The following KLC4 variants were observed in gnomAD, a reference collection of about 807,000 sequenced individuals.
KLC4 encodes the protein kinesin-like protein 8.
Under a neutral mutation model 77.2 loss-of-function variants are expected in KLC4, and 49 were observed. The observed-to-expected ratio is 0.63, with a 90% CI of 0.50 to 0.80. The LOEUF (loss-of-function observed/expected upper bound fraction) is 0.80, where lower values mean the gene tolerates loss of function less well. Among genes scored for constraint, KLC4 ranks in the 30% least tolerant of loss-of-function variants. KLC4 has a pLI of 0.00. For missense variants in KLC4, 669 were observed against 793.5 expected (o/e 0.84, Z 1.89); for synonymous variants, 274 against 314.5 (o/e 0.87, Z 1.36).
intron 6 of KLC4, among the ~76,000 whole-genome samples, chr6:43,068,431 C>T (rs551588460): frequency 6.6e-6 from 1 of 152,102 alleles, no homozygotes; most frequent in African/African-American, 2.4e-5. Context: ...GAGATCGCGC[C>T]TCTACACTCC....
intron 5 of KLC4, 33 bp from the exon 6 acceptor site, chr6:43,066,963 A>C: frequency 1.3e-6 from 2 of 1,593,906 alleles, no homozygotes; most frequent in South Asian, 2.2e-5. Flanking sequence ...TTGCGGGTTC[A>C]GGGTAACTCC....
intron 6 of KLC4, among the ~76,000 whole-genome samples, chr6:43,067,981 G>A (rs1431138362): frequency 1.8e-5 from 2 of 108,128 alleles, no homozygotes; most frequent in South Asian, 3.0e-4. Flanking sequence ...GCGTAGTGGC[G>A]GGCGCCTGTA....
chr6:43,072,307 A>G, intron 12 of KLC4, 52 bp downstream of exon 12: 1 of 1,392,846 alleles, frequency 7.2e-7, no homozygotes, highest in Non-Finnish European at 1.0e-6. Flanking sequence ...CCTGGGGATG[A>G]GAGAGTGCCG....
intron 1 of KLC4, chr6:43,060,721 A>G (rs1765102826): frequency 2.7e-6 from 2 of 740,740 alleles, no homozygotes; most frequent in African/African-American, 3.8e-5. Context: ...TGCAGGGCTG[A>G]CCAGGTTTGG....
In KLC4 at chr6:43,061,034, T is replaced by G. The variant is rs999957042; in HGVS notation, c.-25-277T>G. On this transcript the variant is annotated intron_variant, in intron 1 of 15. Transcript: ENST00000347162. The stretch of plus-strand genomic sequence containing the variant: ...TGTAACTGCTTTTTTGTTCTTTTCC[T>G]AAGTCCTAAATCCTTCTGCTAGTTC... The G allele has an allele frequency of 1.7e-5, 7 of 412,820 alleles. No individual in the cohort carries two copies. The East Asian group carries it at 3.0e-4, about 17-fold the overall frequency. The allele number at this position is 412,820 out of a possible 1,614,324, so 25.6% of individuals were successfully genotyped here.
chr6:43,063,098 TG>T lies in KLC4; in HGVS notation c.442del (p.Glu148SerfsTer71). The T allele has an allele frequency of 1.2e-6, 2 of 1,614,170 alleles. No homozygotes were observed. Among genetic ancestry groups the T allele is most frequent in the Non-Finnish European group, 1.7e-6 (2 of 1,180,006 alleles). On this transcript the variant is annotated frameshift_variant, in exon 3 of 16. Coordinates refer to ENST00000347162, the MANE Select transcript of KLC4 (RefSeq NM_201521.3). LOFTEE classifies it high-confidence loss of function. ...VAQLEEEKKH[L>X]EFLGQLRQYD... The stretch of plus-strand genomic sequence containing the variant: ...CAGCTGGAGGAGGAAAAGAAGCACC[TG>T]GAGTTCCTGGGGCAGCTGCGGCAGT...
At chr6:43,073,877 T>C in intron 14 of KLC4, 25 bp from the exon 15 acceptor site, 2 of 1,613,312 alleles carry the variant, frequency 1.2e-6, no homozygotes, top group Non-Finnish European at 1.7e-6. Flanking sequence ...AGAGGAGGCC[T>C]CAATTCTTCC....
At chr6:43,074,029 C>T in intron 15 of KLC4, 64 bp downstream of exon 15, 1 of 1,294,224 alleles carries the variant, frequency 7.7e-7, no homozygotes, top group Non-Finnish European at 1.1e-6. Context: ...TGAGCAAGCC[C>T]AGTGGAGTAA....
At chr6:43,069,496 C>T (rs1006616474) in intron 6 of KLC4, among the ~76,000 whole-genome samples, 3 of 152,146 alleles carry the variant, frequency 2.0e-5, no homozygotes, top group Non-Finnish European at 4.4e-5. Flanking sequence ...CCACCTACCT[C>T]AGCCTTCCAA....
At position 43,070,292 on chromosome 6, in the gene KLC4, C is replaced by G. The variant is rs183657892; in HGVS notation, c.880-62C>G. ...TGGGCCCTGCTGGGAGGTGGGGAAC[C>G]TCAGATTCCCATAGGTCTTTTGCAA... On this transcript the variant is annotated intron_variant, in intron 6 of 15. Transcript: ENST00000347162. 3.0e-4 allele frequency: 358 copies of G among 1,176,982 alleles called. 6 individuals carry two copies. The Admixed American group carries it at 6.1e-3, about 20-fold the overall frequency. 72.9% of individuals were successfully genotyped at this position (1,176,982 alleles called of 1,614,324 possible). A position where few individuals can be genotyped will look rare whatever the true frequency, so the allele number is the denominator to read the frequency against.
chr6:43,066,197 C>G, intron 4 of KLC4, 109 bp from the exon 5 acceptor site: 1 of 890,040 alleles, frequency 1.1e-6, no homozygotes, highest in Non-Finnish European at 1.8e-6. Context: ...TATTGAGAGT[C>G]CAGGTTGGGG....
At chr6:43,070,991 C>A in intron 8 of KLC4, 126 bp downstream of exon 8, 1 of 869,134 alleles carries the variant, frequency 1.2e-6, no homozygotes, top group Non-Finnish European at 1.7e-6. Flanking sequence ...TGGCACACTG[C>A]TCTCATCAAC....
intron 6 of KLC4, chr6:43,067,409 G>A: frequency 2.6e-6 from 1 of 391,086 alleles, no homozygotes; most frequent in South Asian, 7.6e-5. Context: ...TAATTTGTAA[G>A]GACAATATAT....
chr6:43,072,779 G>A (rs759888157), intron 12 of KLC4, 45 bp from the exon 13 acceptor site: 2 of 1,596,654 alleles, frequency 1.3e-6, no homozygotes, highest in Non-Finnish European at 1.7e-6. Context: ...CCCATCCTGA[G>A]GAGTTAAGGA....
At chr6:43,073,688 C>A (rs1025101094) in intron 14 of KLC4, 6 of 575,708 alleles carry the variant, frequency 1.0e-5, no homozygotes, top group African/African-American at 9.6e-5. Context: ...GTAAAGCAGG[C>A]AAGTAAAGTA....
chr6:43,066,189 T>C, intron 4 of KLC4, 117 bp from the exon 5 acceptor site: 1 of 826,754 alleles, frequency 1.2e-6, no homozygotes, highest in African/African-American at 1.7e-5. Context: ...AGGTCTAATA[T>C]TGAGAGTCCA....
intron 1 of KLC4, chr6:43,060,701 T>TG (rs1765102022): frequency 1.1e-6 from 1 of 880,484 alleles, no homozygotes; most frequent in South Asian, 3.1e-5. Context: ...TGAAGGTTAG[T>TG]GGGAAAATAT....
At chr6:43,070,655 A>G (rs1315738210) in intron 7 of KLC4, 37 bp from the exon 8 acceptor site, 12 of 1,582,980 alleles carry the variant, frequency 7.6e-6, no homozygotes, top group Non-Finnish European at 1.0e-5. Flanking sequence ...CACACATGTT[A>G]TCATAGCCAT....
intron 9 of KLC4, 27 bp from the exon 10 acceptor site, chr6:43,071,540 C>A (rs1765723860): frequency 5.0e-6 from 8 of 1,608,294 alleles, no homozygotes; most frequent in Non-Finnish European, 6.8e-6. Context: ...CCATCTCTAA[C>A]CTCCCCACCC....
Sources: gnomAD v4.1 joint callset for allele counts (sites outside exome capture counted in the v4.1 genomes callset) on GRCh38, gnomAD v4.1.1 for gene constraint, MANE v1.5 for transcripts, NCBI Gene and HGNC (gene_info 2026-07-23, HGNC 2026-07-21) for gene names.